PITPNC1: variants seen among roughly 807,000 people sequenced by gnomAD.
PITPNC1 encodes the protein phosphatidylinositol transfer protein cytoplasmic 1, also known as cytoplasmic phosphatidylinositol transfer protein 1.
In PITPNC1, 18 loss-of-function variants were observed where a neutral mutation model predicts 44.7. That is an observed-to-expected ratio of 0.40 (90% CI 0.28 to 0.60). The LOEUF is 0.60. PITPNC1 is among the 20% of genes least tolerant of loss of function. PITPNC1 has a pLI of 0.39. For missense variants in PITPNC1, 290 were observed against 418.4 expected, an observed-to-expected ratio of 0.69 and a Z score of 2.68; for synonymous variants, 141 against 149.6, an observed-to-expected ratio of 0.94 and a Z score of 0.42.
chr17:67,660,101 TAAAC>T (rs1176045916), intron 6 of PITPNC1, among the ~76,000 whole-genome samples: 1 of 152,166 alleles, frequency 6.6e-6, no homozygotes, highest in Non-Finnish European at 1.5e-5. Context: ...AGGCTGGTCT[TAAAC>T]TCCTGAGCTC....
At chr17:67,582,957 C>A (rs548014522) in intron 5 of PITPNC1, among the ~76,000 whole-genome samples, 10 of 152,328 alleles carry the variant, frequency 6.6e-5, no homozygotes, top group African/African-American at 2.4e-4. Flanking sequence ...TGCTACTTTA[C>A]TTCCTCTTCC....
intron 2 of PITPNC1, among the ~76,000 whole-genome samples, chr17:67,546,664 G>A (rs2040688396): frequency 6.6e-6 from 1 of 152,212 alleles, no homozygotes; most frequent in Non-Finnish European, 1.5e-5. Context: ...ACCTGCAGGA[G>A]GCAGGCTCCT....
intron 4 of PITPNC1, among the ~76,000 whole-genome samples, chr17:67,562,307 A>T (rs1334855812): frequency 6.6e-6 from 1 of 152,286 alleles, no homozygotes; most frequent in Admixed American, 6.5e-5. Flanking sequence ...GTGCATTTCC[A>T]TGCTGTAGCT....
chr17:67,431,106 C>T (rs1326213774), intron 1 of PITPNC1, among the ~76,000 whole-genome samples: 4 of 146,134 alleles, frequency 2.7e-5, no homozygotes, highest in Non-Finnish European at 6.0e-5. Context: ...TCGCCCAGGC[C>T]GGAGTGCAGT....
chr17:67,665,084 T>TTTTGTTTGTTTG (rs148943727), intron 6 of PITPNC1, among the ~76,000 whole-genome samples: 11 of 151,244 alleles, frequency 7.3e-5, no homozygotes, highest in African/African-American at 2.7e-4. Flanking sequence ...TTTTTTGGGG[T>TTTTGTTTGTTTG]TTTGTTTGTT....
chr17:67,447,089 C>CAG (rs2039107789), intron 1 of PITPNC1, among the ~76,000 whole-genome samples: 1 of 35,324 alleles, frequency 2.8e-5, no homozygotes, highest in African/African-American at 1.0e-4. Flanking sequence ...GACTCTGTCT[C>CAG]AAAAAAAAAA....
chr17:67,471,811 ACTTT>A (rs1029302586), intron 1 of PITPNC1, among the ~76,000 whole-genome samples: 1 of 151,938 alleles, frequency 6.6e-6, no homozygotes, highest in Non-Finnish European at 1.5e-5. Context: ...TAAACTCCCG[ACTTT>A]CTTCAGATTT....
At chr17:67,522,620 G>A (rs2040338803) in intron 1 of PITPNC1, among the ~76,000 whole-genome samples, 1 of 143,484 alleles carries the variant, frequency 7.0e-6, no homozygotes, top group Non-Finnish European at 1.5e-5. Context: ...CTTTTTAATT[G>A]TGATCAAATA....
intron 1 of PITPNC1, among the ~76,000 whole-genome samples, chr17:67,423,939 G>A (rs985783804): frequency 1.1e-4 from 17 of 152,034 alleles, no homozygotes; most frequent in African/African-American, 3.9e-4. Context: ...TTGCAGTCCT[G>A]AAAGTCACAC....
chr17:67,596,998 A>T (rs2041468794), intron 5 of PITPNC1, among the ~76,000 whole-genome samples: 1 of 151,866 alleles, frequency 6.6e-6, no homozygotes, highest in African/African-American at 2.4e-5. Context: ...GGCTCAAGTG[A>T]TCTTCTCACC....
At chr17:67,502,780 ATTGTATTGTAT>A (rs1209898890) in intron 1 of PITPNC1, among the ~76,000 whole-genome samples, 1 of 151,218 alleles carries the variant, frequency 6.6e-6, no homozygotes, top group Admixed American at 6.6e-5. Flanking sequence ...ATTGTATTGT[ATTGTATTGTAT>A]TGTATTGTAT....
intron 6 of PITPNC1, among the ~76,000 whole-genome samples, chr17:67,660,967 T>C (rs1466081396): frequency 2.6e-5 from 4 of 150,962 alleles, no homozygotes; most frequent in Non-Finnish European, 4.4e-5. Context: ...CAAGCAATTC[T>C]CTTCCCTCAG....
intron 1 of PITPNC1, among the ~76,000 whole-genome samples, chr17:67,520,551 A>G (rs2040312257): frequency 1.3e-5 from 2 of 152,196 alleles, no homozygotes; most frequent in African/African-American, 4.8e-5. Flanking sequence ...GAAACGCTCA[A>G]GAAATCCCCC....
intron 1 of PITPNC1, 61 bp from the exon 2 acceptor site, chr17:67,532,741 G>GA: frequency 7.2e-7 from 1 of 1,392,102 alleles, no homozygotes; most frequent in Non-Finnish European, 9.8e-7. Context: ...GCTATGGTTG[G>GA]AGGGGGATGT....
At chr17:67,618,727 G>A (rs2041792709) in intron 5 of PITPNC1, among the ~76,000 whole-genome samples, 1 of 151,872 alleles carries the variant, frequency 6.6e-6, no homozygotes, top group African/African-American at 2.4e-5. Flanking sequence ...ACTCCAGCCT[G>A]GGTGACAGAA....
chr17:67,644,479 G>A (rs1045142867), intron 6 of PITPNC1, among the ~76,000 whole-genome samples: 1 of 141,492 alleles, frequency 7.1e-6, no homozygotes, highest in African/African-American at 2.6e-5. Flanking sequence ...CTGTCACCCA[G>A]GCTGGAGGGC....
intron 4 of PITPNC1, among the ~76,000 whole-genome samples, chr17:67,563,466 G>A (rs17655498): frequency 0.024 from 3,707 of 152,216 alleles, 62 homozygotes; most frequent in Middle Eastern, 0.054. Flanking sequence ...TGTTAGGCCC[G>A]TTGTAAAGTG....
At chr17:67,400,518 A>T (rs1419161197) in intron 1 of PITPNC1, among the ~76,000 whole-genome samples, 1 of 152,174 alleles carries the variant, frequency 6.6e-6, no homozygotes, top group Non-Finnish European at 1.5e-5. Flanking sequence ...GCATTTTTTT[A>T]AAACGCATTC....
intron 8 of PITPNC1, among the ~76,000 whole-genome samples, chr17:67,680,906 A>G (rs999252223): frequency 5.9e-5 from 9 of 152,246 alleles, no homozygotes; most frequent in African/African-American, 1.9e-4. Context: ...TTGACTTAGA[A>G]TGATGTAAAA....
Sources: allele counts gnomAD v4.1 joint callset (sites outside exome capture counted in the v4.1 genomes callset), GRCh38; gene constraint gnomAD v4.1.1; transcripts MANE v1.5; gene names NCBI Gene and HGNC (gene_info 2026-07-23, HGNC 2026-07-21).